Variants in UBXN7 observed in about 807,000 individuals in gnomAD.
The protein encoded by UBXN7 is UBX domain-containing protein 7.
Under a neutral mutation model 58.0 loss-of-function variants are expected in UBXN7, and 9 were observed. The observed-to-expected ratio is 0.16, with a 90% CI of 0.09 to 0.27. The LOEUF (loss-of-function observed/expected upper bound fraction) is 0.27. UBXN7 is among the 10% of genes least tolerant of loss of function. The pLI is 1.00. For synonymous variants in UBXN7, 208 were observed against 205.0 expected (o/e 1.01, Z -0.12); for missense variants, 328 against 599.6 (o/e 0.55, Z 4.73).
intron 3 of UBXN7, among the ~76,000 whole-genome samples, chr3:196,401,358 TAA>T (rs1022329230): frequency 1.5e-5 from 2 of 129,300 alleles, no homozygotes; most frequent in Non-Finnish European, 3.3e-5. Context: ...AAATAAAAAT[TAA>T]AAAAATAAAT....
chr3:196,408,047 G>A (rs908822854), intron 1 of UBXN7, among the ~76,000 whole-genome samples: 5 of 132,326 alleles, frequency 3.8e-5, no homozygotes, highest in East Asian at 4.5e-4. Flanking sequence ...GCAATGAGCC[G>A]AAGTCACGCC....
At chr3:196,391,641 G>A (rs985662076) in intron 5 of UBXN7, among the ~76,000 whole-genome samples, 172 bp downstream of exon 5, 5 of 152,054 alleles carry the variant, frequency 3.3e-5, no homozygotes, top group South Asian at 4.1e-4. Context: ...AGCTGAGGTA[G>A]GAGGATCCCT....
At chr3:196,367,997 T>A (rs568658397) in intron 8 of UBXN7, 31 bp downstream of exon 8, 1 of 1,602,292 alleles carries the variant, frequency 6.2e-7, no homozygotes, top group African/African-American at 1.3e-5. Context: ...TTACATTTAT[T>A]TTCCCATCAC....
At chr3:196,385,820 C>T (rs1282278493) in intron 5 of UBXN7, among the ~76,000 whole-genome samples, 9 of 151,666 alleles carry the variant, frequency 5.9e-5, no homozygotes, top group African/African-American at 1.7e-4. Flanking sequence ...TCTGCCCGGC[C>T]GCCCCGTCTG....
At chr3:196,359,022 C>T (rs371915467) in intron 10 of UBXN7, among the ~76,000 whole-genome samples, 1 of 152,072 alleles carries the variant, frequency 6.6e-6, no homozygotes, top group East Asian at 1.9e-4. Context: ...AATGAATTAG[C>T]TTCTCTGCTT....
At chr3:196,424,542 C>T (rs1042253503) in intron 1 of UBXN7, among the ~76,000 whole-genome samples, 2 of 151,418 alleles carry the variant, frequency 1.3e-5, no homozygotes, top group Non-Finnish European at 2.9e-5. Flanking sequence ...ACCACCAGGC[C>T]CAGTTAATTT....
chr3:196,370,410 A>T (rs1728790935), intron 6 of UBXN7, among the ~76,000 whole-genome samples: 1 of 151,494 alleles, frequency 6.6e-6, no homozygotes, highest in Non-Finnish European at 1.5e-5. Context: ...CTATGACTGC[A>T]CCACTGTGTT....
At chr3:196,376,545 CAAAAAAAAA>C (rs777458391) in intron 5 of UBXN7, among the ~76,000 whole-genome samples, 4 of 50,930 alleles carry the variant, frequency 7.9e-5, no homozygotes, top group South Asian at 1.0e-3. Context: ...GACTCTGTCT[CAAAAAAAAA>C]AAAAAAAAAA....
chr3:196,377,033 G>A (rs1286328472), intron 5 of UBXN7, among the ~76,000 whole-genome samples: 5 of 147,202 alleles, frequency 3.4e-5, no homozygotes, highest in Admixed American at 3.4e-4. Flanking sequence ...GTGACAGAGT[G>A]AGACTCTGTC....
chr3:196,386,306 T>TTA (rs1729393565), intron 5 of UBXN7, among the ~76,000 whole-genome samples: 1 of 146,230 alleles, frequency 6.8e-6, no homozygotes, highest in African/African-American at 2.6e-5. Flanking sequence ...TCTGCTGACC[T>TTA]TCCCTCCACT....
At chr3:196,365,206 AAGAG>A (rs1483089219) in intron 8 of UBXN7, among the ~76,000 whole-genome samples, 7 of 151,544 alleles carry the variant, frequency 4.6e-5, no homozygotes, top group Non-Finnish European at 1.0e-4. Flanking sequence ...CTTATATTAG[AAGAG>A]AGAAAGGTAT....
chr3:196,409,964 GAGTTTCACTCTCAT>G (rs1730274586), intron 1 of UBXN7, among the ~76,000 whole-genome samples: 1 of 148,860 alleles, frequency 6.7e-6, no homozygotes, highest in Non-Finnish European at 1.5e-5. Context: ...TTTTGAGACG[GAGTTTCACTCTCAT>G]CACCCAGGCT....
intron 3 of UBXN7, among the ~76,000 whole-genome samples, chr3:196,395,326 A>G (rs757705371): frequency 6.6e-6 from 1 of 152,188 alleles, no homozygotes; most frequent in Non-Finnish European, 1.5e-5. Flanking sequence ...TAAAAACTTC[A>G]TTTTTGTTTA....
chr3:196,362,412 T>C lies in UBXN7; in HGVS notation c.1110A>G (p.Pro370=), dbSNP rs773796985. The C allele has an allele frequency of 6.8e-5, 110 of 1,614,130 alleles. 1 individual carries two copies. In the South Asian group the frequency reaches 1.2e-3, roughly 17 times the overall value. Residue 370 remains proline, a synonymous_variant, in exon 9 of 11, where the codon CCA becomes CCG. Transcript: ENST00000296328. ...EENRRPLTEP[P]VRTDPGTATN... is the part of the protein sequence containing the mutation. Reference sequence around the variant, plus strand: ...TGGCTGTTCCAGGATCAGTTCTGACTGGTGGCTCAGTCAGCGGCCTTCTAT... The same window carrying C: ...TGGCTGTTCCAGGATCAGTTCTGACCGGTGGCTCAGTCAGCGGCCTTCTAT...
intron 1 of UBXN7, among the ~76,000 whole-genome samples, chr3:196,419,335 G>C (rs921312749): frequency 9.0e-5 from 13 of 144,516 alleles, no homozygotes; most frequent in African/African-American, 3.2e-4. Context: ...CAATGTGACA[G>C]GATGACTTCC....
chr3:196,389,677 AAGC>A (rs958996952), intron 5 of UBXN7, among the ~76,000 whole-genome samples: 1 of 152,210 alleles, frequency 6.6e-6, no homozygotes, highest in African/African-American at 2.4e-5. Context: ...GCCTCACCAG[AAGC>A]AGATGTCAGC....
chr3:196,387,781 A>T (rs1560229418), intron 5 of UBXN7, among the ~76,000 whole-genome samples: 1 of 152,216 alleles, frequency 6.6e-6, no homozygotes, highest in Non-Finnish European at 1.5e-5. Context: ...ATCATTAAAA[A>T]GTCAGGAAAC....
intron 1 of UBXN7, among the ~76,000 whole-genome samples, chr3:196,425,907 T>C (rs143727011): frequency 6.6e-6 from 1 of 152,310 alleles, no homozygotes; most frequent in East Asian, 1.9e-4. Context: ...TCTCTCACTG[T>C]ATTCTAATAC....
intron 5 of UBXN7, among the ~76,000 whole-genome samples, chr3:196,377,719 G>C (rs951898308): frequency 3.1e-4 from 47 of 151,948 alleles, no homozygotes; most frequent in African/African-American, 8.9e-4. Context: ...CAGGGTGGAG[G>C]GCAATGGCAC....
Sources: allele counts gnomAD v4.1 joint callset (sites outside exome capture counted in the v4.1 genomes callset), GRCh38; gene constraint gnomAD v4.1.1; transcripts MANE v1.5; gene names NCBI Gene and HGNC (gene_info 2026-07-23, HGNC 2026-07-21).